The following ADCY10 variants were observed in gnomAD, a reference collection of about 807,000 sequenced individuals.
The protein encoded by ADCY10 is adenylate cyclase 10.
A neutral mutation model predicts 183.3 loss-of-function variants in ADCY10; 156 were observed. The ratio of observed to expected loss-of-function variants is 0.85; its 90% CI spans 0.75 to 0.97. ADCY10 has a LOEUF of 0.97. Ranked by LOEUF, ADCY10 falls within the 50% of genes least tolerant of loss-of-function variation. The pLI is 0.00. For synonymous variants in ADCY10, 645 were observed against 670.0 expected, an observed-to-expected ratio of 0.96 and a Z score of 0.58; for missense variants, 1,745 against 1,934.3, an observed-to-expected ratio of 0.90 and a Z score of 1.84.
At chr1:167,870,473 A>C in intron 13 of ADCY10, 63 bp from the exon 14 acceptor site, 1 of 1,401,666 alleles carries the variant, frequency 7.1e-7, no homozygotes, top group Non-Finnish European at 9.9e-7. Context: ...AGAGATATAA[A>C]AAGTCACATA....
intron 13 of ADCY10, among the ~76,000 whole-genome samples, chr1:167,871,192 T>G (rs1359102181): frequency 1.3e-5 from 2 of 152,162 alleles, no homozygotes; most frequent in African/African-American, 2.4e-5. Flanking sequence ...GATAAAATAT[T>G]TTTATTTCTG....
At chr1:167,825,449 C>T (rs1663211508) in intron 26 of ADCY10, among the ~76,000 whole-genome samples, 1 of 151,770 alleles carries the variant, frequency 6.6e-6, no homozygotes, top group East Asian at 1.9e-4. Flanking sequence ...TCAGGAGTTC[C>T]AGATGAGCCT....
chr1:167,870,992 T>C (rs972318418), intron 13 of ADCY10, among the ~76,000 whole-genome samples: 1 of 152,134 alleles, frequency 6.6e-6, no homozygotes, highest in Non-Finnish European at 1.5e-5. Context: ...AATGTTTAAT[T>C]ATAGTGTAGA....
chr1:167,905,803 G>A (rs913310807), intron 1 of ADCY10, among the ~76,000 whole-genome samples: 1 of 152,038 alleles, frequency 6.6e-6, no homozygotes, highest in African/African-American at 2.4e-5. Context: ...TAAATGGAAG[G>A]AAATGCTGAA....
rs569628300 is a variant in ADCY10 at position 167,846,336 on chromosome 1, C to G, written c.2438-73G>C. ...CTAATATGCTGTATTTAATATAGAG[C>G]AGGTGGACAACCATCCTGCTCTACA... On this transcript the variant is annotated intron_variant, in intron 19 of 32. Transcript: ENST00000367851. 786 of 1,568,012 alleles carry G rather than the reference C, an allele frequency of 5.0e-4. 3 individuals carry two copies. The highest frequency in any genetic ancestry group is 3.8e-3 in the South Asian group (338 of 89,812).
intron 12 of ADCY10, 140 bp from the exon 13 acceptor site, chr1:167,875,326 C>G: frequency 1.2e-6 from 1 of 812,878 alleles, no homozygotes; most frequent in Admixed American, 2.0e-5. Context: ...GGGTCGCAAA[C>G]GCCAAAAGAA....
chr1:167,880,435 TA>T lies in ADCY10; in HGVS notation c.1139+55del, dbSNP rs1667792306. On this transcript the variant is annotated intron_variant, in intron 10 of 32. Coordinates refer to ENST00000367851, the MANE Select transcript of ADCY10 (RefSeq NM_018417.6). ...TTTCCTGTTCCCTGCATGCCCTCCC[TA>T]CTTATGCCTCAAAAGGGTCAGGGAC... is the stretch of plus-strand genomic sequence containing the variant. 5.5e-6 allele frequency: 7 copies of T among 1,272,284 alleles called. No individual in the cohort carries two copies. In the Admixed American group the frequency reaches 1.2e-4, roughly 21 times the overall value. The allele number at this position is 1,272,284 out of a possible 1,614,324, so 78.8% of individuals were successfully genotyped here. A position where few individuals can be genotyped will look rare whatever the true frequency, so the allele number is the denominator to read the frequency against.
chr1:167,851,650 G>A (rs945010804), intron 18 of ADCY10, among the ~76,000 whole-genome samples: 3 of 151,870 alleles, frequency 2.0e-5, no homozygotes, highest in South Asian at 2.1e-4. Flanking sequence ...GTGAAACCCC[G>A]TCTCTACTAA....
At chr1:167,893,771 T>G (rs1668762112) in intron 8 of ADCY10, 82 bp downstream of exon 8, 3 of 860,480 alleles carry the variant, frequency 3.5e-6, no homozygotes, top group Non-Finnish European at 5.6e-6. Context: ...GTAGCTGCTG[T>G]TTTTTTTTTC....
intron 21 of ADCY10, among the ~76,000 whole-genome samples, chr1:167,844,134 TAACA>T (rs964894472): frequency 1.3e-5 from 2 of 152,190 alleles, no homozygotes; most frequent in Non-Finnish European, 2.9e-5. Context: ...TGTAAAAATA[TAACA>T]AACAAGAGAG....
intron 22 of ADCY10, among the ~76,000 whole-genome samples, chr1:167,836,807 C>T (rs1558166153): frequency 6.6e-6 from 1 of 152,198 alleles, no homozygotes; most frequent in African/African-American, 2.4e-5. Flanking sequence ...AAGTGGATCA[C>T]GAGGTCAGGA....
At position 167,891,854 on chromosome 1, in the gene ADCY10, T is replaced by C. The variant is rs560525887; in HGVS notation, c.828+1999A>G. Among the ~76,000 whole-genome samples the C allele has an allele frequency of 2.9e-4, 44 of 152,310 alleles. 1 individual carries two copies. The highest frequency in any genetic ancestry group is 3.4e-3 in the Middle Eastern group (1 of 294). Reference sequence around the variant, plus strand: ...TTCTAGATTAAAGAAGGAATTGGTATAGGGAATAATGCAGCCATGCTTCCT... The same window carrying C: ...TTCTAGATTAAAGAAGGAATTGGTACAGGGAATAATGCAGCCATGCTTCCT... On this transcript the variant is annotated intron_variant, in intron 8 of 32. Transcript: ENST00000367851.
At chr1:167,861,605 G>A (rs1283590581) in intron 14 of ADCY10, among the ~76,000 whole-genome samples, 1 of 152,212 alleles carries the variant, frequency 6.6e-6, no homozygotes, top group East Asian at 1.9e-4. Context: ...TCAAGTCTCA[G>A]CTCAGGTGTA....
chr1:167,890,307 T>C (rs1314704898), intron 8 of ADCY10, among the ~76,000 whole-genome samples: 3 of 152,050 alleles, frequency 2.0e-5, no homozygotes, highest in East Asian at 3.9e-4. Flanking sequence ...TGCAGACTTA[T>C]AGAGGTACCA....
chr1:167,895,393 C>G (rs1170613919), intron 7 of ADCY10, among the ~76,000 whole-genome samples: 3 of 152,124 alleles, frequency 2.0e-5, no homozygotes, highest in East Asian at 1.9e-4. Context: ...TCCCCACTCC[C>G]CACCCCACTG....
At chr1:167,906,622 CAAAAAA>C (rs869083786) in intron 1 of ADCY10, among the ~76,000 whole-genome samples, 2 of 109,510 alleles carry the variant, frequency 1.8e-5, no homozygotes, top group East Asian at 5.7e-4. Flanking sequence ...CCCATCTCTA[CAAAAAA>C]AAAAAAAAAA....
At chr1:167,910,394 A>T (rs1476618148) in intron 1 of ADCY10, among the ~76,000 whole-genome samples, 1 of 152,194 alleles carries the variant, frequency 6.6e-6, no homozygotes, top group African/African-American at 2.4e-5. Context: ...TAAGTCAGAA[A>T]ATTATGACAT....
intron 4 of ADCY10, 51 bp downstream of exon 4, chr1:167,901,965 G>A: frequency 6.2e-7 from 1 of 1,609,580 alleles, no homozygotes; most frequent in Non-Finnish European, 8.5e-7. Context: ...CAGAAGCACA[G>A]GCACCTCAGC....
chr1:167,906,017 TG>T (rs1348972717), intron 1 of ADCY10, among the ~76,000 whole-genome samples: 1 of 152,216 alleles, frequency 6.6e-6, no homozygotes, highest in Non-Finnish European at 1.5e-5. Context: ...TAAGAGGATT[TG>T]TTTTTTTAAG....
Sources: allele counts gnomAD v4.1 joint callset (sites outside exome capture counted in the v4.1 genomes callset), GRCh38; gene constraint gnomAD v4.1.1; transcripts MANE v1.5; gene names NCBI Gene and HGNC (gene_info 2026-07-23, HGNC 2026-07-21).